Variants in HFE observed in about 807,000 individuals in gnomAD.
HFE encodes homeostatic iron regulator.
A neutral mutation model predicts 40.9 loss-of-function variants in HFE; 36 were observed. The ratio of observed to expected loss-of-function variants is 0.88; its 90% CI spans 0.67 to 1.16. HFE has a LOEUF of 1.16. HFE is among the 50% of genes most tolerant of loss of function. The probability of loss-of-function intolerance (pLI) is 0.00; values close to 1 mark genes in which losing one functional copy is unlikely to be tolerated. For missense variants in HFE, 376 were observed against 432.0 expected, an observed-to-expected ratio of 0.87 and a Z score of 1.15; for synonymous variants, 157 against 165.4, an observed-to-expected ratio of 0.95 and a Z score of 0.39.
intron 1 of HFE, among the ~76,000 whole-genome samples, chr6:26,089,656 A>G (rs1023985374): frequency 1.4e-4 from 21 of 152,096 alleles, no homozygotes; most frequent in African/African-American, 5.1e-4. Context: ...AAAGAGAAGA[A>G]TTGGCTGGGT....
chr6:26,093,192 TG>T lies in HFE; in HGVS notation c.968del (p.Gly323GlufsTer5), dbSNP rs766108842. 1 of 1,614,062 alleles carries T rather than the reference TG, an allele frequency of 6.2e-7. No homozygotes were observed. Among genetic ancestry groups the T allele is most frequent in the African/African-American group, 1.3e-5 (1 of 75,002 alleles). ...IAVFVVILFI[G>X]ILFIILRKRQ... ...CTGTTTTTGTCGTCATCTTGTTCAT[TG>T]GAATTTTGTTCATAATATTAAGGAA... On this transcript the variant is annotated frameshift_variant, in exon 5 of 6. Coordinates refer to ENST00000357618, the MANE Select transcript of HFE (RefSeq NM_000410.4). LOFTEE classifies it low-confidence loss of function (END_TRUNC).
intron 3 of HFE, 52 bp from the exon 4 acceptor site, chr6:26,092,633 C>G (rs763376453): frequency 2.6e-5 from 42 of 1,613,950 alleles, no homozygotes; most frequent in Non-Finnish European, 3.4e-5. Context: ...TCCAGTCTTC[C>G]TGGCAAGGGT....
intron 1 of HFE, among the ~76,000 whole-genome samples, chr6:26,089,092 C>G (rs1762479849): frequency 9.3e-6 from 1 of 107,244 alleles, no homozygotes; most frequent in Admixed American, 1.3e-4. Context: ...CTCAGCACTA[C>G]TCATGTGTGT....
rs768801919 is a variant in HFE at position 26,092,866 on chromosome 6, C to T, written c.798C>T (p.Gly266=). 9 of 1,614,184 alleles carry T rather than the reference C, an allele frequency of 5.6e-6. No homozygotes were observed. The East Asian group carries it at 1.6e-4, about 28-fold the overall frequency. The change falls in exon 4 of 6, where the codon GGC becomes GGT. Residue 266 remains glycine, a synonymous_variant. Transcript: ENST00000357618. ...CCAATGGGGATGGGACCTACCAGGG[C>T]TGGATAACCTTGGCTGTACCCCCTG... ...VLPNGDGTYQ[G]WITLAVPPGE...
intron 1 of HFE, among the ~76,000 whole-genome samples, chr6:26,088,678 A>T (rs1283118174): frequency 1.3e-5 from 2 of 152,204 alleles, no homozygotes; most frequent in Non-Finnish European, 2.9e-5. Context: ...TTGGTGGCAG[A>T]GCTCATGTCT....
Position 26,087,444 on chromosome 6 carries a change from G to C in HFE, c.4G>C (p.Gly2Arg). Residue 2 changes from glycine to arginine, a missense_variant, in exon 1 of 6, where the codon GGC becomes CGC. Gly to Arg is a moderately radical substitution (Grantham distance 125). Transcript: ENST00000357618. The part of the protein sequence containing the change: M[G>R]PRARPALLLL... ...ACGTGCGGCCAGAGCTGGGGAAATG[G>C]GCCCGCGAGCCAGGCCGGCGCTTCT... The C allele has an allele frequency of 6.2e-7, 1 of 1,614,028 alleles. No homozygotes were observed. The highest frequency in any genetic ancestry group is 8.5e-7 in the Non-Finnish European group (1 of 1,179,978).
chr6:26,091,504 G>A lies in HFE; in HGVS notation c.531G>A (p.Arg177=), dbSNP rs1762706549. The A allele has an allele frequency of 3.1e-6, 5 of 1,614,156 alleles. No homozygotes were observed. Among genetic ancestry groups the A allele is most frequent in the Non-Finnish European group, 4.2e-6 (5 of 1,180,010 alleles). The part of the protein sequence containing the change: ...LEWERHKIRA[R]QNRAYLERDC... Reference sequence around the variant, plus strand: ...GGGAAAGGCACAAGATTCGGGCCAGGCAGAACAGGGCCTACCTGGAGAGGG... The same window carrying A: ...GGGAAAGGCACAAGATTCGGGCCAGACAGAACAGGGCCTACCTGGAGAGGG... Residue 177 remains arginine (R), a synonymous_variant, in exon 3 of 6, where the codon AGG becomes AGA. Transcript: ENST00000357618.
At chr6:26,090,803 C>T (rs1003128351) in intron 1 of HFE, 38 bp from the exon 2 acceptor site, 2 of 1,609,868 alleles carry the variant, frequency 1.2e-6, no homozygotes, top group Admixed American at 1.7e-5. Flanking sequence ...TGCTCCCCTC[C>T]TACTACACAT....
At position 26,095,812 on chromosome 6, in the gene HFE, G is replaced by A. The variant is rs1187799870; in HGVS notation, c.*1586G>A. The A allele has an allele frequency of 6.6e-6, 1 of 152,288 alleles. No individual in the cohort carries two copies. The highest frequency in any genetic ancestry group is 1.5e-5 in the Non-Finnish European group (1 of 68,090). The allele number at this position is 152,288 out of a possible 1,614,324, so 9.4% of individuals were successfully genotyped here. On this transcript the variant is annotated 3_prime_UTR_variant, in exon 6 of 6. Transcript: ENST00000357618. ...GAAGGTCCTGGAATGTGACTCCCTT[G>A]CTCCTCTGTTGCTCTCTTTGGCATT...
At chr6:26,091,237 T>A in intron 2 of HFE, 77 bp from the exon 3 acceptor site, 2 of 1,609,392 alleles carry the variant, frequency 1.2e-6, no homozygotes, top group Non-Finnish European at 1.7e-6. Flanking sequence ...CTTCCTGAGA[T>A]CATTTGGTCC....
chr6:26,096,909 G>T lies in HFE; in HGVS notation c.*2683G>T. On this transcript the variant is annotated 3_prime_UTR_variant, in exon 6 of 6. Coordinates refer to ENST00000357618, the MANE Select transcript of HFE (RefSeq NM_000410.4). The stretch of plus-strand genomic sequence containing the variant: ...TTGTCATTTTGGAGACATTTATTTT[G>T]CTTCTAATTTCTTTACATTTTGTCT... 9.4e-6 allele frequency: 2 copies of T among 212,266 alleles called. No homozygotes were observed. The highest frequency in any genetic ancestry group is 1.9e-5 in the Non-Finnish European group (2 of 104,424). The allele number at this position is 212,266 out of a possible 1,614,324, so 13.1% of individuals were successfully genotyped here. A position where few individuals can be genotyped will look rare whatever the true frequency, so the allele number is the denominator to read the frequency against.
Position 26,091,456 on chromosome 6 carries a change from G to A in HFE, c.483G>A (p.Arg161=), listed in dbSNP as rs1410129605. The change falls in exon 3 of 6, where the codon AGG becomes AGA. Residue 161 remains arginine (R), a synonymous_variant. Transcript: ENST00000357618. ...DTLDWRAAEP[R]AWPTKLEWER... is the part of the protein sequence containing the mutation. ...TGGATTGGAGAGCAGCAGAACCCAGGGCCTGGCCCACCAAGCTGGAGTGGG... is the reference window on the plus strand; with the variant it reads ...TGGATTGGAGAGCAGCAGAACCCAGAGCCTGGCCCACCAAGCTGGAGTGGG... The A allele has an allele frequency of 6.2e-7, 1 of 1,614,000 alleles. No individual in the cohort carries two copies. The highest frequency in any genetic ancestry group is 8.5e-7 in the Non-Finnish European group (1 of 1,180,020).
intron 3 of HFE, 38 bp downstream of exon 3, chr6:26,091,627 G>A: frequency 1.9e-6 from 3 of 1,608,008 alleles, no homozygotes; most frequent in Non-Finnish European, 2.5e-6. Context: ...ATACTCTAGT[G>A]GCAGAGTGGA....
rs150402693 is a variant in HFE at position 26,092,821 on chromosome 6, C to A, written c.753C>A (p.Phe251Leu). Residue 251 changes from phenylalanine to leucine, a missense_variant, in exon 4 of 6, where the codon TTC becomes TTA. By Grantham distance (22) the Phe-to-Leu change is conservative. This residue lies in a region of HFE where 173 missense variants were observed against 186.9 expected (regional missense o/e 0.93). Transcript: ENST00000357618. ...KDKQPMDAKE[F>L]EPKDVLPNGD... is the part of the protein sequence containing the mutation. ...AGCAGCCAATGGATGCCAAGGAGTT[C>A]GAACCTAAAGACGTATTGCCCAATG... 10 of 1,614,186 alleles carry A rather than the reference C, an allele frequency of 6.2e-6. No individual in the cohort carries two copies. Among genetic ancestry groups the A allele is most frequent in the Middle Eastern group, 1.6e-4 (1 of 6,062 alleles).
chr6:26,091,121 C>A lies in HFE; in HGVS notation c.340+17C>A. On this transcript the variant is annotated intron_variant, in intron 2 of 5. Transcript: ENST00000357618. The stretch of plus-strand genomic sequence containing the variant: ...ACAGCAAGGGTATGTGGAGAGGGGG[C>A]CTCACCTTCCTGAGGTTGTCAGAGC... The A allele has an allele frequency of 6.2e-7, 1 of 1,613,870 alleles. No individual in the cohort carries two copies. Among genetic ancestry groups the A allele is most frequent in the Non-Finnish European group, 8.5e-7 (1 of 1,179,882 alleles).
rs998274239 is a variant in HFE, at chr6:26,096,295, G to C, written c.*2069G>C. Reference sequence around the variant, plus strand: ...ATTACAGGCGTGCACCACCATGCCCGGCTAATTTTTGTATTTTTAGTAGAG... The same window carrying C: ...ATTACAGGCGTGCACCACCATGCCCCGCTAATTTTTGTATTTTTAGTAGAG... On this transcript the variant is annotated 3_prime_UTR_variant, in exon 6 of 6. Coordinates refer to ENST00000357618, the MANE Select transcript of HFE (RefSeq NM_000410.4). The C allele has an allele frequency of 2.9e-6, 1 of 344,140 alleles. No individual in the cohort carries two copies. The highest frequency in any genetic ancestry group is 5.7e-6 in the Non-Finnish European group (1 of 175,226). The allele number at this position is 344,140 out of a possible 1,614,324, so 21.3% of individuals were successfully genotyped here.
intron 1 of HFE, 126 bp from the exon 2 acceptor site, chr6:26,090,715 C>A: frequency 1.0e-6 from 1 of 1,001,750 alleles, no homozygotes; most frequent in Non-Finnish European, 1.6e-6. Flanking sequence ...GACAGGACTG[C>A]AACTCACCCT....
At chr6:26,089,427 A>G (rs1413465981) in intron 1 of HFE, among the ~76,000 whole-genome samples, 1 of 152,120 alleles carries the variant, frequency 6.6e-6, no homozygotes, top group Non-Finnish European at 1.5e-5. Context: ...AGTAACAGTG[A>G]TCTGTCACAG....
chr6:26,091,533 GC>G lies in HFE; in HGVS notation c.563del (p.Pro188LeufsTer23), dbSNP rs1762708818. 1 of 1,613,846 alleles carries G rather than the reference GC, an allele frequency of 6.2e-7. No individual in the cohort carries two copies. The highest frequency in any genetic ancestry group is 8.5e-7 in the Non-Finnish European group (1 of 1,179,954). On this transcript the variant is annotated frameshift_variant, in exon 3 of 6. Transcript: ENST00000357618. LOFTEE classifies it high-confidence loss of function. Reference protein sequence around the residue: ...RQNRAYLERDCPAQLQQLLEL... With the variant: ...RQNRAYLERDXPAQLQQLLEL... ...AACAGGGCCTACCTGGAGAGGGACT[GC>G]CCTGCACAGCTGCAGCAGTTGCTGG... is the stretch of plus-strand genomic sequence containing the variant.
Sources: allele counts gnomAD v4.1 joint callset (sites outside exome capture counted in the v4.1 genomes callset), GRCh38; gene constraint gnomAD v4.1.1; regional missense constraint gnomAD v4.1.1; transcripts MANE v1.5; gene names NCBI Gene and HGNC (gene_info 2026-07-23, HGNC 2026-07-21).